PATJ: variants seen among roughly 807,000 people sequenced by gnomAD.
PATJ encodes inaD-like protein.
In PATJ, 190 loss-of-function variants were observed where a neutral mutation model predicts 224.9. The ratio of observed to expected loss-of-function variants is 0.84; its 90% CI spans 0.75 to 0.95. The LOEUF (loss-of-function observed/expected upper bound fraction) is 0.95. Ranked by LOEUF, PATJ falls within the 40% of genes least tolerant of loss-of-function variation. The pLI is 0.00. For synonymous variants in PATJ, 769 were observed against 820.3 expected (o/e 0.94, Z 1.07); for missense variants, 2,121 against 2,270.3 (o/e 0.93, Z 1.34).
At chr1:61,790,133 G>C (rs1405249583) in intron 8 of PATJ, among the ~76,000 whole-genome samples, 1 of 147,432 alleles carries the variant, frequency 6.8e-6, no homozygotes, top group Non-Finnish European at 1.5e-5. Context: ...GAGGCCAGGA[G>C]TTTGAGGTTG....
At chr1:61,777,724 T>TTTTTTTTTTTTTTTTTTTTTTTTTTTC (rs765662896) in intron 7 of PATJ, among the ~76,000 whole-genome samples, 30 of 106,008 alleles carry the variant, frequency 2.8e-4, no homozygotes, top group African/African-American at 9.8e-4. Flanking sequence ...TTTTTTTTTT[T>TTTTTTTTTTTTTTTTTTTTTTTTTTTC]TTTAGCATAG....
chr1:61,952,080 A>T (rs1289413548), intron 27 of PATJ: 1 of 362,016 alleles, frequency 2.8e-6, no homozygotes, highest in Non-Finnish European at 5.1e-6. Flanking sequence ...GAAGCATCCA[A>T]GGGTCTGATG....
intron 23 of PATJ, 60 bp from the exon 24 acceptor site, chr1:61,901,222 C>A: frequency 1.9e-6 from 2 of 1,060,450 alleles, no homozygotes; most frequent in Non-Finnish European, 2.6e-6. Context: ...AAATGGAATA[C>A]TTACAGTCCA....
rs74076518 is a variant in PATJ, at chr1:62,086,486, T to C, written c.4377+1838T>C. Reference sequence around the variant, plus strand: ...TTAATGAATATGTTTTAAATGAATATTTTGGTATTTCTTTTGCCCATTTTA... The same window carrying C: ...TTAATGAATATGTTTTAAATGAATACTTTGGTATTTCTTTTGCCCATTTTA... On this transcript the variant is annotated intron_variant, in intron 33 of 43. Transcript: ENST00000642238. This position sits in a 1 kb window ranked among gnomAD's most constrained non-coding sequence, Gnocchi z 4.0. 0.047 allele frequency among the ~76,000 whole-genome samples: 7,212 copies of C among 152,308 alleles called. 324 individuals are homozygous for C. Among genetic ancestry groups the C allele is most frequent in the African/African-American group, 0.12 (5,161 of 41,552 alleles).
rs1408998839 is a variant in PATJ at position 61,919,827 on chromosome 1, A to C, written c.3570+5163A>C. Reference sequence around the variant, plus strand: ...CTTATTTTCTAATTTAGCTATAATCAGAGATTGTTGTGTATGTAATATTAA... The same window carrying C: ...CTTATTTTCTAATTTAGCTATAATCCGAGATTGTTGTGTATGTAATATTAA... On this transcript the variant is annotated intron_variant, in intron 26 of 43. Coordinates refer to ENST00000642238, the MANE Select transcript of PATJ (RefSeq NM_001350145.3). 6.6e-5 allele frequency among the ~76,000 whole-genome samples: 10 copies of C among 152,232 alleles called. No individual in the cohort carries two copies. In the East Asian group the frequency reaches 1.9e-3, roughly 29 times the overall value.
intron 28 of PATJ, among the ~76,000 whole-genome samples, chr1:62,014,562 CTTTTTTTTTT>C (rs35711547): frequency 1.2e-5 from 1 of 84,538 alleles, no homozygotes; most frequent in South Asian, 4.5e-4. Flanking sequence ...CTTTTCTTTC[CTTTTTTTTTT>C]TTTTTTTTTT....
intron 33 of PATJ, among the ~76,000 whole-genome samples, chr1:62,106,079 T>TATATACACAC (rs1313613418): frequency 1.4e-4 from 3 of 20,768 alleles, no homozygotes; most frequent in Non-Finnish European, 2.7e-4. Flanking sequence ...TATATATATA[T>TATATACACAC]ACACACACAC....
At chr1:61,745,919 A>T (rs1039331430) in intron 1 of PATJ, among the ~76,000 whole-genome samples, 12 of 150,864 alleles carry the variant, frequency 8.0e-5, no homozygotes, top group African/African-American at 2.9e-4. Context: ...TTTTTTTTTT[A>T]AAAATTTTTA....
At chr1:62,025,073 A>C (rs557784866) in intron 29 of PATJ, among the ~76,000 whole-genome samples, 1 of 152,226 alleles carries the variant, frequency 6.6e-6, no homozygotes. Flanking sequence ...GTTGGCCCAA[A>C]TTTATTTTTA....
chr1:62,111,743 C>T (rs1288389595), intron 34 of PATJ, among the ~76,000 whole-genome samples: 1 of 151,560 alleles, frequency 6.6e-6, no homozygotes, highest in Non-Finnish European at 1.5e-5. Context: ...TCACTGCAAC[C>T]TCCGCCTCCC....
chr1:61,952,224 G>A (rs1679791963), intron 27 of PATJ: 1 of 498,176 alleles, frequency 2.0e-6, no homozygotes, highest in Admixed American at 3.4e-5. Context: ...TAAATAGATT[G>A]ACAGGTTGCC....
chr1:62,147,217 A>T (rs1431356356), intron 41 of PATJ, among the ~76,000 whole-genome samples: 2 of 152,116 alleles, frequency 1.3e-5, no homozygotes, highest in Admixed American at 1.3e-4. Flanking sequence ...GGATGGGATA[A>T]TATGTTTAAT....
intron 29 of PATJ, among the ~76,000 whole-genome samples, chr1:62,035,193 C>G (rs542192883): frequency 4.7e-4 from 72 of 152,308 alleles, no homozygotes; most frequent in African/African-American, 1.4e-3. Flanking sequence ...AAAACAATAG[C>G]TAAGCCATCT....
At chr1:61,798,972 T>C (rs577149469) in intron 11 of PATJ, among the ~76,000 whole-genome samples, 97 of 152,312 alleles carry the variant, frequency 6.4e-4, no homozygotes, top group African/African-American at 2.1e-3. Flanking sequence ...TTTTTTCCTC[T>C]GAAAATATTC....
In PATJ at chr1:61,871,443, A is replaced by ATATG. The variant is rs1557792712; in HGVS notation, c.2836-3800_2836-3799insTATG. On this transcript the variant is annotated intron_variant, in intron 20 of 43. Coordinates refer to ENST00000642238, the MANE Select transcript of PATJ (RefSeq NM_001350145.3). ...TATATGTACATATATATGTGTATAT[A>ATATG]CACATATATATGCGTATATATATGT... is the stretch of plus-strand genomic sequence containing the variant. Among the ~76,000 whole-genome samples the ATATG allele has an allele frequency of 3.7e-3, 95 of 25,788 alleles. 1 individual carries two copies. Among genetic ancestry groups the ATATG allele is most frequent in the African/African-American group, 9.4e-3 (84 of 8,982 alleles). 16.9% of individuals were successfully genotyped at this position (25,788 alleles called of 152,430 possible).
intron 17 of PATJ, among the ~76,000 whole-genome samples, chr1:61,851,649 A>G (rs1662822841): frequency 6.6e-6 from 1 of 152,106 alleles, no homozygotes; most frequent in Admixed American, 6.5e-5. Context: ...AGGAGGAATT[A>G]TGATCACCTT....
chr1:62,122,721 G>A (rs1216122755), intron 38 of PATJ, among the ~76,000 whole-genome samples: 1 of 151,996 alleles, frequency 6.6e-6, no homozygotes, highest in Non-Finnish European at 1.5e-5. Flanking sequence ...GCTATTTGGA[G>A]GCAGAGGCAG....
chr1:61,788,916 C>T (rs745861095), intron 8 of PATJ, among the ~76,000 whole-genome samples: 5 of 152,036 alleles, frequency 3.3e-5, no homozygotes, highest in Non-Finnish European at 5.9e-5. Context: ...TCAGGTGATC[C>T]GCCCACCTCA....
chr1:61,999,130 A>G (rs1322611409), intron 28 of PATJ, among the ~76,000 whole-genome samples: 1 of 151,992 alleles, frequency 6.6e-6, no homozygotes, highest in Non-Finnish European at 1.5e-5. Flanking sequence ...TATGCTGGGG[A>G]AGAAATTTAT....
Sources: gnomAD v4.1 joint callset for allele counts (sites outside exome capture counted in the v4.1 genomes callset) on GRCh38, gnomAD v4.1.1 for gene constraint, Gnocchi (gnomAD v3.1) non-coding constraint, MANE v1.5 for transcripts, NCBI Gene and HGNC (gene_info 2026-07-23, HGNC 2026-07-21) for gene names.